LYPD6: variants seen among roughly 807,000 people sequenced by gnomAD.
LYPD6 encodes ly6/PLAUR domain-containing protein 6.
In LYPD6, 15 loss-of-function variants were observed where a neutral mutation model predicts 22.7. That is an observed-to-expected ratio of 0.66 (90% CI 0.44 to 1.02). The LOEUF (loss-of-function observed/expected upper bound fraction) is 1.02. LYPD6 is among the 50% of genes least tolerant of loss of function. The pLI is 0.00. For missense variants in LYPD6, 189 were observed against 208.4 expected (o/e 0.91, Z 0.57); for synonymous variants, 72 against 77.5 (o/e 0.93, Z 0.37).
At chr2:149,443,496 CT>C (rs202027078) in intron 2 of LYPD6, among the ~76,000 whole-genome samples, 9 of 151,624 alleles carry the variant, frequency 5.9e-5, no homozygotes, top group African/African-American at 1.9e-4. Context: ...TGCTTTGTAT[CT>C]TTTTTTTTCC....
chr2:149,426,386 A>G (rs956449108), intron 1 of LYPD6, among the ~76,000 whole-genome samples: 1 of 152,204 alleles, frequency 6.6e-6, no homozygotes, highest in East Asian at 1.9e-4. Context: ...GGTTCTTCCC[A>G]GTCTTGAGTG....
chr2:149,346,808 C>T (rs577565880), intron 1 of LYPD6, among the ~76,000 whole-genome samples: 48 of 152,332 alleles, frequency 3.2e-4, no homozygotes, highest in Non-Finnish European at 6.0e-4. Flanking sequence ...TCTAGCGGTT[C>T]TCCTGCCTCA....
intron 1 of LYPD6, among the ~76,000 whole-genome samples, chr2:149,398,262 C>G (rs919246818): frequency 6.6e-6 from 1 of 152,122 alleles, no homozygotes; most frequent in Admixed American, 6.5e-5. Context: ...TACTGTCTCT[C>G]TTCCATATAC....
intron 1 of LYPD6, among the ~76,000 whole-genome samples, chr2:149,436,821 G>C (rs915240925): frequency 6.6e-6 from 1 of 152,178 alleles, no homozygotes; most frequent in Non-Finnish European, 1.5e-5. Flanking sequence ...AACCTCAGGC[G>C]ATCCAGGCCT....
chr2:149,427,674 G>A (rs56404810), intron 1 of LYPD6, among the ~76,000 whole-genome samples: 44,200 of 152,060 alleles, frequency 0.29, 8,310 homozygotes, highest in African/African-American at 0.54. Flanking sequence ...TGGACTGCGT[G>A]TCCAACAGTA....
intron 1 of LYPD6, among the ~76,000 whole-genome samples, chr2:149,331,071 T>A (rs1680927955): frequency 6.6e-6 from 1 of 152,128 alleles, no homozygotes; most frequent in Non-Finnish European, 1.5e-5. Flanking sequence ...CGGCCCAACA[T>A]GCGTCCACCA....
chr2:149,444,063 A>G (rs1444378661), intron 2 of LYPD6, among the ~76,000 whole-genome samples: 1 of 150,924 alleles, frequency 6.6e-6, no homozygotes, highest in African/African-American at 2.4e-5. Context: ...CCTCCTGAGT[A>G]GCTGGGACCA....
chr2:149,483,610 G>A, the LYPD6 span, among the ~76,000 whole-genome samples: 4 of 152,120 alleles, frequency 2.6e-5, no homozygotes, highest in Non-Finnish European at 5.9e-5. Flanking sequence ...GCTATTTGCA[G>A]TTGGTTAAAA....
intron 1 of LYPD6, among the ~76,000 whole-genome samples, chr2:149,404,542 A>G (rs2105113169): frequency 6.6e-6 from 1 of 152,092 alleles, no homozygotes; most frequent in Admixed American, 6.5e-5. Flanking sequence ...TTTGTCTGTT[A>G]TTGGTGTATA....
At chr2:149,483,751 A>T in the LYPD6 span, among the ~76,000 whole-genome samples, 1 of 152,252 alleles carries the variant, frequency 6.6e-6, no homozygotes, top group Non-Finnish European at 1.5e-5. Flanking sequence ...CCCATAAATT[A>T]TACAATTATT....
intron 1 of LYPD6, among the ~76,000 whole-genome samples, chr2:149,351,358 C>T (rs1301812195): frequency 1.4e-5 from 2 of 139,934 alleles, no homozygotes; most frequent in African/African-American, 5.3e-5. Flanking sequence ...CATGCCACTG[C>T]ACTCCAGCCT....
At position 149,355,102 on chromosome 2, in the gene LYPD6, C is replaced by G. The variant is rs181409854; in HGVS notation, c.-72+24380C>G. On this transcript the variant is annotated intron_variant, in intron 1 of 4. Transcript: ENST00000334166. ...GGATAAAACTGTTCCTGGTAAATGG[C>G]TTAATCTTTTCAAAGTTACATTAAA... Among the ~76,000 whole-genome samples, 11 of 152,176 alleles carry G rather than the reference C, an allele frequency of 7.2e-5. No individual in the cohort carries two copies. In the East Asian group the frequency reaches 2.1e-3, roughly 29 times the overall value.
intron 3 of LYPD6, among the ~76,000 whole-genome samples, chr2:149,453,369 A>G (rs1266151092): frequency 6.6e-6 from 1 of 152,234 alleles, no homozygotes; most frequent in Admixed American, 6.5e-5. Context: ...TGTGAAGTCA[A>G]AGACATTCCA....
chr2:149,352,137 A>C (rs1559121475), intron 1 of LYPD6, among the ~76,000 whole-genome samples: 1 of 152,138 alleles, frequency 6.6e-6, no homozygotes, highest in Non-Finnish European at 1.5e-5. Context: ...AGGAGGAAAA[A>C]AATGTGTACA....
intron 3 of LYPD6, among the ~76,000 whole-genome samples, chr2:149,467,628 A>G (rs1681230248): frequency 6.6e-6 from 1 of 152,222 alleles, no homozygotes; most frequent in Non-Finnish European, 1.5e-5. Flanking sequence ...ATAGAAGGTC[A>G]TAATTCCATA....
At chr2:149,481,262 G>A in the LYPD6 span, among the ~76,000 whole-genome samples, 1 of 152,198 alleles carries the variant, frequency 6.6e-6, no homozygotes, top group Non-Finnish European at 1.5e-5. Context: ...AATTGAGGTT[G>A]TGCTTCTGCT....
At chr2:149,415,462 C>G (rs544781606) in intron 1 of LYPD6, among the ~76,000 whole-genome samples, 2 of 152,206 alleles carry the variant, frequency 1.3e-5, no homozygotes, top group East Asian at 3.9e-4. Flanking sequence ...AGAGATGGTA[C>G]AGGCACATTA....
intron 3 of LYPD6, 31 bp downstream of exon 3, chr2:149,449,178 C>A (rs772901609): frequency 1.0e-5 from 16 of 1,525,518 alleles, no homozygotes; most frequent in Non-Finnish European, 1.4e-5. Context: ...TTGGGGTCCC[C>A]TGGGCTGTCC....
intron 1 of LYPD6, among the ~76,000 whole-genome samples, chr2:149,383,938 A>G (rs140013248): frequency 2.6e-5 from 4 of 152,330 alleles, no homozygotes; most frequent in African/African-American, 9.6e-5. Context: ...TAGACAGTCA[A>G]TCAGTCTTCC....
Sources: gnomAD v4.1 joint callset for allele counts (sites outside exome capture counted in the v4.1 genomes callset) on GRCh38, gnomAD v4.1.1 for gene constraint, MANE v1.5 for transcripts, NCBI Gene and HGNC (gene_info 2026-07-23, HGNC 2026-07-21) for gene names.